Variants in INPP4B observed in about 807,000 individuals in gnomAD.
The protein encoded by INPP4B is inositol polyphosphate-4-phosphatase type II B.
In INPP4B, 55 loss-of-function variants were observed where a neutral mutation model predicts 122.5. The observed-to-expected ratio is 0.45, with a 90% CI of 0.36 to 0.56. The LOEUF (loss-of-function observed/expected upper bound fraction) is 0.56. INPP4B is among the 20% of genes least tolerant of loss of function. The probability of loss-of-function intolerance (pLI) is 0.00; values close to 1 mark genes in which losing one functional copy is unlikely to be tolerated. For synonymous variants in INPP4B, 403 were observed against 388.7 expected, an observed-to-expected ratio of 1.04 and a Z score of -0.43; for missense variants, 1,000 against 1,097.7, an observed-to-expected ratio of 0.91 and a Z score of 1.26.
At chr4:142,720,761 ATCTC>A (rs1175727015) in intron 2 of INPP4B, among the ~76,000 whole-genome samples, 913 of 37,318 alleles carry the variant, frequency 0.024, 37 homozygotes, top group African/African-American at 0.032. Flanking sequence ...TATATATATA[ATCTC>A]TCTCTCTCTC....
At position 142,510,565 on chromosome 4, in the gene INPP4B, T is replaced by A. The variant is rs77513799; in HGVS notation, c.-190-47839A>T. ...TGTATCAGGATAAGCTGGCTCAAAATATTTGTAGGTAGCTCAGATGCAAAT... is the reference window on the plus strand; with the variant it reads ...TGTATCAGGATAAGCTGGCTCAAAAAATTTGTAGGTAGCTCAGATGCAAAT... On this transcript the variant is annotated intron_variant, in intron 2 of 25. Coordinates refer to ENST00000262992, the MANE Select transcript of INPP4B (RefSeq NM_001101669.3). Among the ~76,000 whole-genome samples, 14 of 152,316 alleles carry A rather than the reference T, an allele frequency of 9.2e-5. No homozygotes were observed. In the East Asian group the frequency reaches 2.7e-3, roughly 29 times the overall value.
At chr4:142,766,876 G>A (rs1022171953) in intron 1 of INPP4B, 1 of 152,132 alleles carries the variant, frequency 6.6e-6, no homozygotes, top group Non-Finnish European at 1.5e-5. Flanking sequence ...TGTGTATTTA[G>A]AGTGGGAGGA....
intron 2 of INPP4B, among the ~76,000 whole-genome samples, chr4:142,616,550 ACTT>A (rs1484365390): frequency 6.6e-6 from 1 of 152,108 alleles, no homozygotes; most frequent in South Asian, 2.1e-4. Context: ...GTACCCCAAC[ACTT>A]CTAAATTTTA....
intron 25 of INPP4B, among the ~76,000 whole-genome samples, chr4:142,079,701 G>C (rs2152519488): frequency 6.6e-6 from 1 of 152,172 alleles, no homozygotes; most frequent in Non-Finnish European, 1.5e-5. Context: ...TTCAGGGATT[G>C]TGATGCTTCC....
intron 2 of INPP4B, among the ~76,000 whole-genome samples, chr4:142,692,930 G>GATAGATAGATAGATAC (rs1322306964): frequency 4.0e-5 from 6 of 150,358 alleles, no homozygotes; most frequent in South Asian, 2.1e-4. Flanking sequence ...TAGATAGATA[G>GATAGATAGATAGATAC]ATAGATACAT....
intron 1 of INPP4B, among the ~76,000 whole-genome samples, chr4:142,802,228 A>T (rs12509337): frequency 1.1e-4 from 16 of 152,216 alleles, no homozygotes; most frequent in African/African-American, 1.9e-4. Flanking sequence ...TCATGATGGT[A>T]CCTGCAGGTC....
chr4:142,699,081 G>A (rs1185135053), intron 2 of INPP4B, among the ~76,000 whole-genome samples: 1 of 152,122 alleles, frequency 6.6e-6, no homozygotes, highest in Non-Finnish European at 1.5e-5. Flanking sequence ...GTGGTGCATG[G>A]GTGGGGTGGA....
intron 2 of INPP4B, among the ~76,000 whole-genome samples, chr4:142,699,499 C>T (rs895298599): frequency 4.6e-5 from 7 of 152,244 alleles, no homozygotes; most frequent in Middle Eastern, 3.4e-3. Flanking sequence ...TGTCCTTTTA[C>T]CTGTGTGGTT....
chr4:142,064,133 TCCTTGCTACAACATTGTTGTAC>T (rs1430872616), intron 25 of INPP4B, among the ~76,000 whole-genome samples: 1 of 152,212 alleles, frequency 6.6e-6, no homozygotes, highest in East Asian at 1.9e-4. Flanking sequence ...CAAGACTAAA[TCCTTGCTACAACATTGTTGTAC>T]AGCAAAGTTA....
At chr4:142,762,006 A>G (rs766506475) in intron 1 of INPP4B, among the ~76,000 whole-genome samples, 1 of 152,148 alleles carries the variant, frequency 6.6e-6, no homozygotes, top group Non-Finnish European at 1.5e-5. Flanking sequence ...AATTGGATGT[A>G]AAAGAAAAAT....
chr4:142,524,581 A>G (rs1246006663), intron 2 of INPP4B, among the ~76,000 whole-genome samples: 2 of 152,158 alleles, frequency 1.3e-5, no homozygotes, highest in East Asian at 1.9e-4. Context: ...GGCTGGTCCA[A>G]TATACGCAAA....
intron 9 of INPP4B, among the ~76,000 whole-genome samples, chr4:142,286,181 T>C (rs925953937): frequency 6.6e-6 from 1 of 152,196 alleles, no homozygotes; most frequent in Non-Finnish European, 1.5e-5. Flanking sequence ...TCAGTGGGAA[T>C]AAATCAAATG....
intron 9 of INPP4B, 96 bp from the exon 10 acceptor site, chr4:142,270,870 T>G: frequency 1.3e-6 from 1 of 777,268 alleles, no homozygotes; most frequent in South Asian, 1.5e-5. Flanking sequence ...ACCAGCATTG[T>G]TATTTACTTA....
intron 17 of INPP4B, among the ~76,000 whole-genome samples, chr4:142,157,675 T>A (rs77621241): frequency 0.069 from 10,556 of 152,196 alleles, 482 homozygotes; most frequent in Middle Eastern, 0.11. Context: ...AAGACTTTTT[T>A]CCTGGTGTTA....
At chr4:142,073,103 G>A (rs767406665) in intron 25 of INPP4B, among the ~76,000 whole-genome samples, 2 of 152,024 alleles carry the variant, frequency 1.3e-5, no homozygotes, top group African/African-American at 4.8e-5. Context: ...GTATTTGAGA[G>A]ATATCACATG....
At chr4:142,065,526 C>T (rs1763067202) in intron 25 of INPP4B, among the ~76,000 whole-genome samples, 1 of 152,080 alleles carries the variant, frequency 6.6e-6, no homozygotes. Flanking sequence ...GGGAACTTTA[C>T]AGAGGAATAA....
Position 142,693,317 on chromosome 4 carries a change from G to T in INPP4B, c.-191+32522C>A, listed in dbSNP as rs142220867. 4.9e-3 allele frequency among the ~76,000 whole-genome samples: 743 copies of T among 151,952 alleles called. 5 individuals are homozygous for T. The highest frequency in any genetic ancestry group is 0.017 in the African/African-American group (697 of 41,428). On this transcript the variant is annotated intron_variant, in intron 2 of 25. Transcript: ENST00000262992. ...CAGGGTGCTCCTCTTTGAGTGTTTG[G>T]ATAAGAAAAGCATCCTTTAGGCCCT...
intron 25 of INPP4B, among the ~76,000 whole-genome samples, chr4:142,070,838 G>A (rs545670996): frequency 2.6e-5 from 4 of 152,192 alleles, no homozygotes; most frequent in South Asian, 4.2e-4. Context: ...AATAAAAGAG[G>A]ACACAAGCAA....
At chr4:142,697,983 T>C (rs1243628024) in intron 2 of INPP4B, among the ~76,000 whole-genome samples, 2 of 152,202 alleles carry the variant, frequency 1.3e-5, no homozygotes, top group Non-Finnish European at 2.9e-5. Flanking sequence ...AAACAAGGGC[T>C]ATAATTTAAG....
Sources: allele counts gnomAD v4.1 joint callset (sites outside exome capture counted in the v4.1 genomes callset), GRCh38; gene constraint gnomAD v4.1.1; transcripts MANE v1.5; gene names NCBI Gene and HGNC (gene_info 2026-07-23, HGNC 2026-07-21).